Variants in IFT74 observed in about 807,000 individuals in gnomAD.
IFT74 encodes the protein intraflagellar transport 74.
IFT74 carries 92 observed loss-of-function variants against 96.7 expected under a neutral mutation model. That is an observed-to-expected ratio of 0.95 (90% CI 0.80 to 1.13). The LOEUF (loss-of-function observed/expected upper bound fraction) is 1.13, where lower values mean the gene tolerates loss of function less well. Ranked by LOEUF, IFT74 falls within the 50% of genes most tolerant of loss-of-function variation. The pLI, the probability that IFT74 is intolerant of heterozygous loss-of-function variation, is 0.00. For synonymous variants in IFT74, 223 were observed against 213.2 expected, an observed-to-expected ratio of 1.05 and a Z score of -0.40; for missense variants, 811 against 698.2, an observed-to-expected ratio of 1.16 and a Z score of -1.82.
At chr9:27,043,906 T>C (rs1819583559) in intron 13 of IFT74, among the ~76,000 whole-genome samples, 2 of 151,926 alleles carry the variant, frequency 1.3e-5, no homozygotes, top group African/African-American at 4.8e-5. Flanking sequence ...TTTTATTGCC[T>C]CCAATCTTAC....
At chr9:27,049,166 A>T (rs989821074) in intron 16 of IFT74, among the ~76,000 whole-genome samples, 1 of 152,178 alleles carries the variant, frequency 6.6e-6, no homozygotes, top group African/African-American at 2.4e-5. Flanking sequence ...AGTTGCTGGC[A>T]CCATGTTTCA....
At chr9:27,001,799 T>C (rs996849637) in intron 8 of IFT74, among the ~76,000 whole-genome samples, 2 of 152,150 alleles carry the variant, frequency 1.3e-5, no homozygotes, top group Admixed American at 1.3e-4. Context: ...TTTTCTTTGC[T>C]GTGCACAAGC....
intron 10 of IFT74, among the ~76,000 whole-genome samples, chr9:27,015,175 A>G (rs1312595948): frequency 2.0e-5 from 3 of 152,212 alleles, no homozygotes; most frequent in South Asian, 2.1e-4. Flanking sequence ...AAAGGATAGC[A>G]TAAAATATCT....
intron 12 of IFT74, among the ~76,000 whole-genome samples, chr9:27,027,474 A>G (rs1051912440): frequency 6.6e-6 from 1 of 152,046 alleles, no homozygotes; most frequent in African/African-American, 2.4e-5. Context: ...TCACATCCTC[A>G]CTTGTTATTA....
rs376634145 is a variant in IFT74, at chr9:27,049,408, C to T, written c.1333+1134C>T. Among the ~76,000 whole-genome samples, 41 of 152,266 alleles carry T rather than the reference C, an allele frequency of 2.7e-4. No individual in the cohort carries two copies. In the East Asian group the frequency reaches 4.8e-3, roughly 18 times the overall value. ...TTCGGCGGCCTTGAGCTTTGTCTGG[C>T]AGGCACTTTAAGTGGGGATAGGGTC... On this transcript the variant is annotated intron_variant, in intron 16 of 19. Coordinates refer to ENST00000380062, the MANE Select transcript of IFT74 (RefSeq NM_025103.4).
At position 27,055,675 on chromosome 9, in the gene IFT74, A is replaced by G. The variant is rs746563082; in HGVS notation, c.1400A>G (p.Gln467Arg). 8 of 1,594,012 alleles carry G rather than the reference A, an allele frequency of 5.0e-6. No individual in the cohort carries two copies. The highest frequency in any genetic ancestry group is 6.0e-6 in the Non-Finnish European group (7 of 1,172,240). ...ELLESKMTEE[Q>R]HSLKSKIKQM... is the part of the protein sequence containing the mutation. Reference sequence around the variant, plus strand: ...CTAGAAAGTAAGATGACTGAAGAACAGCATTCTCTAAAAAGCAAAATTAAG... The same window carrying G: ...CTAGAAAGTAAGATGACTGAAGAACGGCATTCTCTAAAAAGCAAAATTAAG... Residue 467 changes from glutamine (Q) to arginine (R), a missense_variant, in exon 17 of 20, where the codon CAG becomes CGG. Physicochemically the swap from Gln to Arg is conservative, Grantham distance 43. Transcript: ENST00000380062.
At chr9:26,985,904 A>T (rs1224120875) in intron 6 of IFT74, among the ~76,000 whole-genome samples, 1 of 152,184 alleles carries the variant, frequency 6.6e-6, no homozygotes, top group Non-Finnish European at 1.5e-5. Flanking sequence ...GTACATTGTC[A>T]AAATAGAGTA....
chr9:27,055,430 G>A (rs1259662051), intron 16 of IFT74, among the ~76,000 whole-genome samples, 179 bp from the exon 17 acceptor site: 1 of 151,974 alleles, frequency 6.6e-6, no homozygotes, highest in Non-Finnish European at 1.5e-5. Flanking sequence ...CCTGAAATTG[G>A]TTATTGAGGG....
intron 8 of IFT74, among the ~76,000 whole-genome samples, chr9:26,992,029 C>G (rs1339612409): frequency 2.0e-5 from 3 of 148,170 alleles, no homozygotes; most frequent in African/African-American, 7.4e-5. Context: ...GAGCGAGACT[C>G]CGTCTCAAAA....
chr9:27,017,212 C>T (rs1038963890), intron 11 of IFT74, among the ~76,000 whole-genome samples, 162 bp downstream of exon 11: 2 of 151,666 alleles, frequency 1.3e-5, no homozygotes, highest in African/African-American at 4.8e-5. Flanking sequence ...TTTTCTTCCT[C>T]TTTTATTATT....
intron 8 of IFT74, among the ~76,000 whole-genome samples, chr9:27,008,186 T>G (rs915315486): frequency 2.0e-5 from 3 of 152,152 alleles, no homozygotes; most frequent in Admixed American, 1.3e-4. Context: ...CAAAGCATAT[T>G]ATTAATCTAA....
rs1820167654 is a variant in IFT74, at chr9:27,056,568, A to T, written c.1623+109A>T. ...CTTTATATACCTTCTAGATTTTCTGACTTTTAAGACAGCCAGATTCTGTAC... is the reference window on the plus strand; with the variant it reads ...CTTTATATACCTTCTAGATTTTCTGTCTTTTAAGACAGCCAGATTCTGTAC... On this transcript the variant is annotated intron_variant, in intron 18 of 19. Coordinates refer to ENST00000380062, the MANE Select transcript of IFT74 (RefSeq NM_025103.4). 1.7e-5 allele frequency: 15 copies of T among 877,536 alleles called. No individual in the cohort carries two copies. In the South Asian group the frequency reaches 2.3e-4, roughly 14 times the overall value. The allele number at this position is 877,536 out of a possible 1,614,324, so 54.4% of individuals were successfully genotyped here.
chr9:26,984,689 A>G, intron 6 of IFT74, 130 bp downstream of exon 6: 1 of 641,298 alleles, frequency 1.6e-6, no homozygotes, highest in East Asian at 2.7e-5. Flanking sequence ...TGCAGCCAAC[A>G]AGCATATGAA....
intron 2 of IFT74, among the ~76,000 whole-genome samples, chr9:26,972,257 T>G (rs912172139): frequency 1.3e-5 from 2 of 152,298 alleles, no homozygotes; most frequent in Non-Finnish European, 2.9e-5. Context: ...GATTCACCTC[T>G]CTATTTTTTG....
At chr9:27,014,042 C>T (rs942732020) in intron 10 of IFT74, among the ~76,000 whole-genome samples, 10 of 152,020 alleles carry the variant, frequency 6.6e-5, no homozygotes, top group African/African-American at 1.4e-4. Context: ...GGTGAAAACC[C>T]GTCTTTACTA....
intron 18 of IFT74, among the ~76,000 whole-genome samples, chr9:27,056,863 GATAGATAGATA>G (rs1564008025): frequency 3.1e-4 from 21 of 67,076 alleles, no homozygotes; most frequent in Non-Finnish European, 6.5e-4. Flanking sequence ...TCAATGGATA[GATAGATAGATA>G]GATAGATAGA....
intron 18 of IFT74, among the ~76,000 whole-genome samples, chr9:27,060,054 T>G (rs915340536): frequency 6.6e-6 from 1 of 152,222 alleles, no homozygotes; most frequent in African/African-American, 2.4e-5. Flanking sequence ...AGCTTCCTGT[T>G]GATGCAGAAA....
At chr9:26,949,678 G>A (rs1825872010) in intron 1 of IFT74, among the ~76,000 whole-genome samples, 1 of 152,164 alleles carries the variant, frequency 6.6e-6, no homozygotes, top group African/African-American at 2.4e-5. Flanking sequence ...GAGGATGGGA[G>A]ATATTTCTCA....
At chr9:27,021,888 T>G (rs1475990020) in intron 12 of IFT74, among the ~76,000 whole-genome samples, 1 of 152,218 alleles carries the variant, frequency 6.6e-6, no homozygotes, top group African/African-American at 2.4e-5. Flanking sequence ...GTTCTTTCAG[T>G]TCATGAAGTC....
Sources: allele counts gnomAD v4.1 joint callset (sites outside exome capture counted in the v4.1 genomes callset), GRCh38; gene constraint gnomAD v4.1.1; transcripts MANE v1.5; gene names NCBI Gene and HGNC (gene_info 2026-07-23, HGNC 2026-07-21).